Variants in ROBO2 observed in about 807,000 individuals in gnomAD.
ROBO2 encodes roundabout homolog 2.
In ROBO2, 53 loss-of-function variants were observed where a neutral mutation model predicts 160.8. The ratio of observed to expected loss-of-function variants is 0.33; its 90% CI spans 0.26 to 0.41. The LOEUF is 0.41. ROBO2 is among the 10% of genes least tolerant of loss of function. The pLI is 1.00. For synonymous variants in ROBO2, 664 were observed against 611.7 expected (o/e 1.09, Z -1.26); for missense variants, 1,577 against 1,722.4 (o/e 0.92, Z 1.49).
At chr3:76,098,821 G>A (rs566745721) in intron 2 of ROBO2, among the ~76,000 whole-genome samples, 8 of 151,778 alleles carry the variant, frequency 5.3e-5, no homozygotes, top group Non-Finnish European at 8.8e-5. Context: ...TAAAAGTCTC[G>A]AGTTCATGTT....
At chr3:76,761,180 C>A (rs545265259) in intron 2 of ROBO2, among the ~76,000 whole-genome samples, 53 of 151,776 alleles carry the variant, frequency 3.5e-4, no homozygotes, top group African/African-American at 1.3e-3. Flanking sequence ...GTGGACAAAC[C>A]CTTATTTGCA....
At chr3:76,380,781 CAACTGTATTCACA>C (rs2076580356) in intron 2 of ROBO2, among the ~76,000 whole-genome samples, 1 of 151,978 alleles carries the variant, frequency 6.6e-6, no homozygotes, top group Admixed American at 6.6e-5. Context: ...GTTCAAGGGT[CAACTGTATTCACA>C]AACTATCTCA....
chr3:76,747,046 C>T (rs1267556841), intron 2 of ROBO2, among the ~76,000 whole-genome samples: 2 of 152,112 alleles, frequency 1.3e-5, no homozygotes, highest in Non-Finnish European at 2.9e-5. Context: ...TTTATCCAGT[C>T]TATCATTGAT....
At chr3:76,713,147 A>G (rs774407958) in intron 2 of ROBO2, among the ~76,000 whole-genome samples, 1 of 152,214 alleles carries the variant, frequency 6.6e-6, no homozygotes, top group Non-Finnish European at 1.5e-5. Flanking sequence ...TGAGTGTTCC[A>G]GCTAACAAGT....
At chr3:76,525,299 T>G (rs1268188750) in intron 2 of ROBO2, among the ~76,000 whole-genome samples, 1 of 151,930 alleles carries the variant, frequency 6.6e-6, no homozygotes, top group Non-Finnish European at 1.5e-5. Flanking sequence ...CCATAGATGA[T>G]AAGATGAAGG....
chr3:76,879,293 G>T (rs1272342126), intron 2 of ROBO2, among the ~76,000 whole-genome samples: 1 of 152,086 alleles, frequency 6.6e-6, no homozygotes, highest in African/African-American at 2.4e-5. Context: ...GTGCGTTTGG[G>T]TCACCTGAGA....
At chr3:76,539,478 A>G (rs1305345666) in intron 2 of ROBO2, among the ~76,000 whole-genome samples, 1 of 152,076 alleles carries the variant, frequency 6.6e-6, no homozygotes, top group African/African-American at 2.4e-5. Context: ...ATCTTCACAT[A>G]TTTTTTCCCT....
At chr3:76,179,755 T>C (rs1459636051) in intron 2 of ROBO2, among the ~76,000 whole-genome samples, 2 of 152,174 alleles carry the variant, frequency 1.3e-5, no homozygotes, top group Admixed American at 1.3e-4. Flanking sequence ...TTCTCAGAGA[T>C]GTAATGCCCA....
chr3:76,134,811 G>T (rs559241977), intron 2 of ROBO2, among the ~76,000 whole-genome samples: 1 of 152,124 alleles, frequency 6.6e-6, no homozygotes, highest in South Asian at 2.1e-4. Flanking sequence ...CTAGTAAAAT[G>T]AGTATAATAA....
At chr3:76,658,247 C>T (rs563936034) in intron 2 of ROBO2, among the ~76,000 whole-genome samples, 3 of 151,540 alleles carry the variant, frequency 2.0e-5, no homozygotes, top group East Asian at 3.9e-4. Flanking sequence ...TGTGTTCTTC[C>T]AGATGATTTT....
intron 2 of ROBO2, among the ~76,000 whole-genome samples, chr3:77,213,150 G>T (rs543606104): frequency 1.3e-5 from 2 of 152,252 alleles, no homozygotes; most frequent in South Asian, 4.1e-4. Context: ...CAGAAGGAAT[G>T]GTACCAGCTC....
intron 2 of ROBO2, among the ~76,000 whole-genome samples, chr3:76,476,347 TTC>T (rs1468517495): frequency 1.3e-5 from 2 of 152,146 alleles, no homozygotes; most frequent in African/African-American, 2.4e-5. Flanking sequence ...CTCAAGCTGT[TTC>T]TCTCTTCCCT....
rs200322872 is a variant in ROBO2, at chr3:76,826,053, GTT to G, written c.110-271949_110-271948del. Among the ~76,000 whole-genome samples the G allele has an allele frequency of 1.5e-3, 215 of 142,290 alleles. 4 individuals are homozygous for G. In the East Asian group the frequency reaches 0.033, roughly 22 times the overall value. The allele number at this position is 142,290 out of a possible 152,430, so 93.3% of individuals were successfully genotyped here. ...GCACATTCAATCAGTGAGTTTGTGG[GTT>G]TTTTTTTTTTTAAGTGGCTGTAATA... On this transcript the variant is annotated intron_variant, in intron 2 of 26. Coordinates refer to the ROBO2 transcript ENST00000487694.
At chr3:76,052,896 T>C (rs561099828) in intron 2 of ROBO2, among the ~76,000 whole-genome samples, 2 of 152,220 alleles carry the variant, frequency 1.3e-5, no homozygotes, top group Admixed American at 1.3e-4. Context: ...TTAAATTGAC[T>C]AGGGAAATTC....
intron 5 of ROBO2, among the ~76,000 whole-genome samples, chr3:77,506,906 A>G (rs895836430): frequency 1.3e-5 from 2 of 152,142 alleles, no homozygotes; most frequent in African/African-American, 4.8e-5. Flanking sequence ...GAATAATATC[A>G]TAATTTGGTT....
intron 2 of ROBO2, among the ~76,000 whole-genome samples, chr3:77,465,073 C>T (rs2082633216): frequency 6.6e-6 from 1 of 152,018 alleles, no homozygotes; most frequent in Non-Finnish European, 1.5e-5. Flanking sequence ...ACATTCACAA[C>T]AGCCGTAATT....
chr3:76,401,137 C>T (rs2077790907), intron 2 of ROBO2, among the ~76,000 whole-genome samples: 1 of 151,488 alleles, frequency 6.6e-6, no homozygotes, highest in Non-Finnish European at 1.5e-5. Flanking sequence ...ACATATGCTC[C>T]TATAAGGTGC....
At chr3:76,034,045 G>A (rs1178491684) in intron 2 of ROBO2, among the ~76,000 whole-genome samples, 1 of 152,170 alleles carries the variant, frequency 6.6e-6, no homozygotes, top group East Asian at 1.9e-4. Flanking sequence ...TAAAGAAATA[G>A]ACTTCACCTC....
At chr3:77,342,968 C>T (rs945201112) in intron 2 of ROBO2, among the ~76,000 whole-genome samples, 1 of 152,098 alleles carries the variant, frequency 6.6e-6, no homozygotes, top group East Asian at 1.9e-4. Context: ...GAGGTACAGG[C>T]ACGGTCAGGT....
Sources: allele counts gnomAD v4.1 joint callset (sites outside exome capture counted in the v4.1 genomes callset), GRCh38; gene constraint gnomAD v4.1.1; transcripts MANE v1.5; gene names NCBI Gene and HGNC (gene_info 2026-07-23, HGNC 2026-07-21).